The following LAMA2 variants were observed in gnomAD, a reference collection of about 807,000 sequenced individuals.
The protein encoded by LAMA2 is laminin subunit alpha-2.
In LAMA2, 269 loss-of-function variants were observed where a neutral mutation model predicts 364.8. The observed-to-expected ratio is 0.74, with a 90% CI of 0.67 to 0.82. LAMA2 has a LOEUF of 0.82. LAMA2 is among the 40% of genes least tolerant of loss of function. The probability of loss-of-function intolerance (pLI) is 0.00; values close to 1 mark genes in which losing one functional copy is unlikely to be tolerated. For synonymous variants in LAMA2, 1,379 were observed against 1,370.6 expected (o/e 1.01, Z -0.14); for missense variants, 3,807 against 3,873.2 (o/e 0.98, Z 0.45).
chr6:129,297,973 T>G, intron 21 of LAMA2, 108 bp downstream of exon 21: 1 of 921,582 alleles, frequency 1.1e-6, no homozygotes, highest in South Asian at 1.4e-5. Context: ...ACAACGTATT[T>G]AACATAATGA....
At chr6:129,394,524 G>A (rs998570320) in intron 37 of LAMA2, among the ~76,000 whole-genome samples, 4 of 152,028 alleles carry the variant, frequency 2.6e-5, no homozygotes, top group African/African-American at 9.7e-5. Flanking sequence ...CTTCACTGAT[G>A]CACCTAACCA....
At chr6:129,323,127 C>G (rs1430811162) in intron 28 of LAMA2, among the ~76,000 whole-genome samples, 1 of 152,248 alleles carries the variant, frequency 6.6e-6, no homozygotes, top group Middle Eastern at 3.4e-3. Flanking sequence ...GGCCTCTAAT[C>G]CATTATACCT....
At chr6:128,994,406 G>A (rs1783798265) in intron 1 of LAMA2, among the ~76,000 whole-genome samples, 1 of 152,128 alleles carries the variant, frequency 6.6e-6, no homozygotes, top group African/African-American at 2.4e-5. Flanking sequence ...GAATGCTAAT[G>A]GGATAGAATC....
intron 4 of LAMA2, among the ~76,000 whole-genome samples, chr6:129,102,542 AT>A (rs1775579047): frequency 6.6e-6 from 1 of 152,096 alleles, no homozygotes; most frequent in Non-Finnish European, 1.5e-5. Flanking sequence ...TCAATATTCT[AT>A]TTTTAATCTC....
intron 54 of LAMA2, among the ~76,000 whole-genome samples, chr6:129,480,968 CAA>C (rs34334168): frequency 4.5e-5 from 3 of 67,288 alleles, no homozygotes; most frequent in Admixed American, 4.0e-4. Flanking sequence ...ACAACAACAA[CAA>C]AAAAAGGTAC....
chr6:129,052,175 G>A (rs943816233), intron 2 of LAMA2, among the ~76,000 whole-genome samples: 45 of 134,442 alleles, frequency 3.3e-4, no homozygotes, highest in Admixed American at 1.6e-3. Flanking sequence ...TCGCTCTGTC[G>A]CCCAGGCTGC....
chr6:129,108,137 A>T (rs1300970628), intron 4 of LAMA2, among the ~76,000 whole-genome samples: 2 of 151,878 alleles, frequency 1.3e-5, no homozygotes, highest in Non-Finnish European at 2.9e-5. Context: ...CTCATTTTTT[A>T]ATCTTTTTAA....
chr6:129,424,607 T>C (rs755865592), intron 40 of LAMA2, among the ~76,000 whole-genome samples: 9 of 151,978 alleles, frequency 5.9e-5, no homozygotes, highest in Non-Finnish European at 1.3e-4. Flanking sequence ...AAAATAAGCA[T>C]GTGAAAAGAT....
At chr6:129,203,170 C>T (rs779455368) in intron 12 of LAMA2, among the ~76,000 whole-genome samples, 6 of 152,226 alleles carry the variant, frequency 3.9e-5, no homozygotes, top group Admixed American at 6.5e-5. Flanking sequence ...TTTCTCATTT[C>T]AAACTTAAAG....
At chr6:129,168,994 C>G (rs28814660) in intron 9 of LAMA2, among the ~76,000 whole-genome samples, 16 of 152,270 alleles carry the variant, frequency 1.1e-4, no homozygotes, top group African/African-American at 3.6e-4. Context: ...ATGCTTGTGA[C>G]TTTTGTACAT....
At position 129,251,883 on chromosome 6, in the gene LAMA2, C is replaced by T. The variant is rs144546987; in HGVS notation, c.1885-201C>T. On this transcript the variant is annotated intron_variant, in intron 13 of 64. Transcript: ENST00000421865. Reference sequence around the variant, plus strand: ...CTGGGAGGCACAGGTGGCAGCGAGCCGAGATCGCGCCGTTGCACTCCAGCC... The same window carrying T: ...CTGGGAGGCACAGGTGGCAGCGAGCTGAGATCGCGCCGTTGCACTCCAGCC... Among the ~76,000 whole-genome samples, 190 of 151,982 alleles carry T rather than the reference C, an allele frequency of 1.3e-3. 1 individual carries two copies. The highest frequency in any genetic ancestry group is 6.9e-4 in the Non-Finnish European group (47 of 67,960).
At chr6:129,322,307 A>C (rs370743643) in intron 28 of LAMA2, among the ~76,000 whole-genome samples, 163 of 152,344 alleles carry the variant, frequency 1.1e-3, no homozygotes, top group African/African-American at 3.5e-3. Context: ...TACAGTAAGC[A>C]CTGCTCTTTC....
chr6:129,388,933 A>T (rs1779171900), intron 35 of LAMA2, among the ~76,000 whole-genome samples: 1 of 152,184 alleles, frequency 6.6e-6, no homozygotes, highest in South Asian at 2.1e-4. Context: ...AAGAAGCAGA[A>T]AGCTTCTTAC....
At chr6:129,364,858 T>G (rs1357076990) in intron 32 of LAMA2, among the ~76,000 whole-genome samples, 1 of 152,282 alleles carries the variant, frequency 6.6e-6, no homozygotes, top group East Asian at 1.9e-4. Flanking sequence ...TGGGGTGGCC[T>G]CAGGGAACTT....
Position 129,492,430 on chromosome 6 carries a change from C to A in LAMA2, c.8191C>A (p.Pro2731Thr), listed in dbSNP as rs1480468163. 2 of 1,614,114 alleles carry A rather than the reference C, an allele frequency of 1.2e-6. No homozygotes were observed. The highest frequency in any genetic ancestry group is 2.2e-5 in the East Asian group (1 of 44,868). ...GAAPAEIVIQ[P>T]EPVPTPAFPT... ...AGCTCCAGCTGAAATAGTTATCCAG[C>A]CTGAGCCAGTTCCCACCCCAGCCTT... Residue 2731 changes from proline (P) to threonine (T), a missense_variant, in exon 58 of 65, where the codon CCT (proline) becomes ACT (threonine). Physicochemically the swap from Pro to Thr is conservative, Grantham distance 38. Transcript: ENST00000421865.
intron 9 of LAMA2, among the ~76,000 whole-genome samples, chr6:129,172,080 A>AT (rs1227958055): frequency 6.8e-6 from 1 of 146,240 alleles, no homozygotes; most frequent in Non-Finnish European, 1.5e-5. Context: ...ATTCTTCTAC[A>AT]TTTTTTTCAA....
intron 20 of LAMA2, 123 bp downstream of exon 20, chr6:129,291,843 T>C (rs1220558858): frequency 1.5e-5 from 11 of 735,794 alleles, no homozygotes; most frequent in South Asian, 1.4e-4. Flanking sequence ...AATTCTACAA[T>C]TGAAATGACT....
At chr6:129,439,280 CA>C (rs1414389601) in intron 42 of LAMA2, among the ~76,000 whole-genome samples, 2 of 151,954 alleles carry the variant, frequency 1.3e-5, no homozygotes, top group Admixed American at 6.6e-5. Flanking sequence ...AGTACAGACA[CA>C]ACCATTTTTT....
chr6:129,096,954 C>A (rs1367980585), intron 3 of LAMA2, among the ~76,000 whole-genome samples: 1 of 152,154 alleles, frequency 6.6e-6, no homozygotes, highest in Non-Finnish European at 1.5e-5. Flanking sequence ...AGATCCTATA[C>A]ACGTATGCAT....
Sources: gnomAD v4.1 joint callset for allele counts (sites outside exome capture counted in the v4.1 genomes callset) on GRCh38, gnomAD v4.1.1 for gene constraint, MANE v1.5 for transcripts, NCBI Gene and HGNC (gene_info 2026-07-23, HGNC 2026-07-21) for gene names.